VEZT: variants seen among roughly 807,000 people sequenced by gnomAD.
VEZT encodes the protein vezatin.
Under a neutral mutation model 79.9 loss-of-function variants are expected in VEZT, and 39 were observed. The observed-to-expected ratio is 0.49, with a 90% CI of 0.38 to 0.64. The LOEUF (loss-of-function observed/expected upper bound fraction) is 0.64. VEZT is among the 30% of genes least tolerant of loss of function. The pLI is 0.00. For missense variants in VEZT, 837 were observed against 893.1 expected, an observed-to-expected ratio of 0.94 and a Z score of 0.80; for synonymous variants, 325 against 327.6, an observed-to-expected ratio of 0.99 and a Z score of 0.09.
intron 1 of VEZT, chr12:95,231,515 G>A (rs936704390): frequency 1.3e-5 from 2 of 152,098 alleles, no homozygotes; most frequent in African/African-American, 2.4e-5. Context: ...TTTCATTTAG[G>A]TCAACTGGAG....
chr12:95,296,293 A>G lies in VEZT; in HGVS notation c.1831+35A>G, dbSNP rs550938969. ...GACTTTAAAGTAACAGGTTATTTCA[A>G]TGTAGGGGATTCTTTCTTTCTTGAA... On this transcript the variant is annotated intron_variant, in intron 11 of 11. Coordinates refer to ENST00000436874, the MANE Select transcript of VEZT (RefSeq NM_017599.4). The G allele has an allele frequency of 1.6e-5, 25 of 1,519,008 alleles. No individual in the cohort carries two copies. In the South Asian group the frequency reaches 2.0e-4, roughly 12 times the overall value. 94.1% of individuals were successfully genotyped at this position (1,519,008 alleles called of 1,614,324 possible).
At chr12:95,291,669 A>C (rs1180850098) in intron 9 of VEZT, among the ~76,000 whole-genome samples, 3 of 152,242 alleles carry the variant, frequency 2.0e-5, no homozygotes, top group Non-Finnish European at 4.4e-5. Context: ...AGACAGTAGA[A>C]TTGAGGGATA....
rs1192107846 is a variant in VEZT, at chr12:95,263,138, G to T, written c.434+57G>T. ...GCTTACATACAGAGTATTAGCAGAGGAAACCCATCATTGTGCTCTCCATTG... is the reference window on the plus strand; with the variant it reads ...GCTTACATACAGAGTATTAGCAGAGTAAACCCATCATTGTGCTCTCCATTG... On this transcript the variant is annotated intron_variant, in intron 4 of 11. Transcript: ENST00000436874. The T allele has an allele frequency of 5.8e-5, 81 of 1,392,918 alleles. 1 individual carries two copies. The highest frequency in any genetic ancestry group is 7.5e-5 in the Non-Finnish European group (78 of 1,040,706). 86.3% of individuals were successfully genotyped at this position (1,392,918 alleles called of 1,614,324 possible).
chr12:95,271,735 G>A (rs544535730), intron 6 of VEZT, among the ~76,000 whole-genome samples: 29 of 152,200 alleles, frequency 1.9e-4, no homozygotes, highest in Non-Finnish European at 3.7e-4. Context: ...TTCAGTGTAG[G>A]GTAGGGAGTG....
chr12:95,241,626 A>G (rs1272986676), intron 1 of VEZT, among the ~76,000 whole-genome samples: 1 of 152,172 alleles, frequency 6.6e-6, no homozygotes, highest in East Asian at 1.9e-4. Context: ...AGTTTTAACA[A>G]TGAAAAATGT....
chr12:95,285,650 G>A (rs748696343), intron 8 of VEZT, among the ~76,000 whole-genome samples: 24 of 152,022 alleles, frequency 1.6e-4, no homozygotes, highest in Non-Finnish European at 3.2e-4. Context: ...CCTGTATTCA[G>A]CCCAGTTTTA....
chr12:95,224,482 C>G (rs772281567), intron 1 of VEZT, among the ~76,000 whole-genome samples: 1 of 152,062 alleles, frequency 6.6e-6, no homozygotes, highest in Non-Finnish European at 1.5e-5. Context: ...TCCAGCTAAC[C>G]TGTAACTCTT....
chr12:95,227,465 C>G (rs1593045597), intron 1 of VEZT, among the ~76,000 whole-genome samples: 1 of 151,900 alleles, frequency 6.6e-6, no homozygotes, highest in African/African-American at 2.4e-5. Context: ...CTCAGCCTCC[C>G]AAGTAGCTGG....
chr12:95,256,097 G>C (rs1004452550), intron 2 of VEZT, among the ~76,000 whole-genome samples: 1 of 151,820 alleles, frequency 6.6e-6, no homozygotes, highest in Non-Finnish European at 1.5e-5. Context: ...TGTCACCCAG[G>C]CTGGAGTGCA....
rs1013906143 is a variant in VEZT at position 95,239,948 on chromosome 12, A to G, written c.37-11992A>G. ...GCCTGAGCAACAGAGGGAGACTCGAAAGAGAGAGAGAGAGAGAGAGAGAGA... is the reference window on the plus strand; with the variant it reads ...GCCTGAGCAACAGAGGGAGACTCGAGAGAGAGAGAGAGAGAGAGAGAGAGA... On this transcript the variant is annotated intron_variant, in intron 1 of 11. Coordinates refer to ENST00000436874, the MANE Select transcript of VEZT (RefSeq NM_017599.4). 3.5e-4 allele frequency among the ~76,000 whole-genome samples: 42 copies of G among 119,972 alleles called. No individual in the cohort carries two copies. The East Asian group carries it at 9.8e-3, about 28-fold the overall frequency. The allele number at this position is 119,972 out of a possible 152,430, so 78.7% of individuals were successfully genotyped here.
intron 2 of VEZT, among the ~76,000 whole-genome samples, chr12:95,254,509 G>A (rs1252105968): frequency 6.6e-6 from 1 of 151,946 alleles, no homozygotes; most frequent in African/African-American, 2.4e-5. Context: ...ACCACGCCCA[G>A]CCAAGTTTTG....
At chr12:95,285,617 C>G (rs970153059) in intron 8 of VEZT, among the ~76,000 whole-genome samples, 2 of 152,070 alleles carry the variant, frequency 1.3e-5, no homozygotes, top group Non-Finnish European at 2.9e-5. Context: ...AACACTGTCT[C>G]TCTGTGGTAT....
At chr12:95,266,318 A>C in intron 4 of VEZT, 39 bp from the exon 5 acceptor site, 1 of 1,577,074 alleles carries the variant, frequency 6.3e-7, no homozygotes, top group Non-Finnish European at 8.6e-7. Context: ...TTCTTTCTCT[A>C]ATCTGATGCA....
In VEZT at chr12:95,218,010, C is replaced by T; in HGVS notation, c.36+124C>T. The T allele has an allele frequency of 2.1e-6, 2 of 946,146 alleles. 1 individual carries two copies. The highest frequency in any genetic ancestry group is 3.0e-6 in the Non-Finnish European group (2 of 664,750). 58.6% of individuals were successfully genotyped at this position (946,146 alleles called of 1,614,324 possible). ...ACGCGCTCCAGCTGGCCTCGACCAC[C>T]GAACCCCAGCGATTTCAGGGCCTAG... On this transcript the variant is annotated intron_variant, in intron 1 of 11. Transcript: ENST00000436874.
At chr12:95,247,789 G>T (rs894249021) in intron 1 of VEZT, among the ~76,000 whole-genome samples, 2 of 152,104 alleles carry the variant, frequency 1.3e-5, no homozygotes, top group African/African-American at 4.8e-5. Context: ...CATTTTAAAA[G>T]AATTAATGTA....
At chr12:95,237,867 T>C (rs1036471582) in intron 1 of VEZT, among the ~76,000 whole-genome samples, 1 of 152,210 alleles carries the variant, frequency 6.6e-6, no homozygotes, top group Admixed American at 6.5e-5. Context: ...CTGTAGATCA[T>C]AATAACACCA....
rs891240219 is a variant in VEZT, at chr12:95,301,437, C to G, written c.*764C>G. ...AAGCAGAAAAACGTTCCTTGTATCA[C>G]TTTACCTTGGATAATTGGGTGCCAT... On this transcript the variant is annotated 3_prime_UTR_variant, in exon 12 of 12. Transcript: ENST00000436874. The G allele has an allele frequency of 1.3e-5, 2 of 152,170 alleles. No individual in the cohort carries two copies. Among genetic ancestry groups the G allele is most frequent in the African/African-American group, 4.8e-5 (2 of 41,430 alleles). 9.4% of individuals were successfully genotyped at this position (152,170 alleles called of 1,614,324 possible).
intron 7 of VEZT, among the ~76,000 whole-genome samples, chr12:95,279,472 T>A (rs1165540819): frequency 3.3e-5 from 5 of 152,238 alleles, no homozygotes. Flanking sequence ...ATTTTCTGTT[T>A]ACCTATCAGC....
intron 1 of VEZT, among the ~76,000 whole-genome samples, chr12:95,222,345 AT>A (rs1373152504): frequency 2.0e-5 from 3 of 151,670 alleles, no homozygotes; most frequent in Non-Finnish European, 4.4e-5. Context: ...GAAGATCAAC[AT>A]TTTTTTTTCC....
Sources: gnomAD v4.1 joint callset for allele counts (sites outside exome capture counted in the v4.1 genomes callset) on GRCh38, gnomAD v4.1.1 for gene constraint, MANE v1.5 for transcripts, NCBI Gene and HGNC (gene_info 2026-07-23, HGNC 2026-07-21) for gene names.